The following MEP1A variants were observed in gnomAD, a reference collection of about 807,000 sequenced individuals.
MEP1A encodes N-benzoyl-L-tyrosyl-P-amino-benzoic acid hydrolase subunit alpha.
MEP1A carries 68 observed loss-of-function variants against 84.5 expected under a neutral mutation model. That is an observed-to-expected ratio of 0.80 (90% CI 0.66 to 0.98). The LOEUF is 0.98. Ranked by LOEUF, MEP1A falls within the 50% of genes least tolerant of loss-of-function variation. The pLI is 0.00. For synonymous variants in MEP1A, 337 were observed against 336.8 expected (o/e 1.00, Z -0.01); for missense variants, 887 against 919.9 (o/e 0.96, Z 0.46).
At chr6:46,843,206 G>A (rs549766083), downstream of MEP1A, among the ~76,000 whole-genome samples, 4 of 152,292 alleles carry the variant, frequency 2.6e-5, no homozygotes, top group African/African-American at 9.6e-5. Context: ...TCTACTTACT[G>A]GATGCTCATA....
chr6:46,843,270 C>T (rs965116258), downstream of MEP1A, among the ~76,000 whole-genome samples: 2 of 152,116 alleles, frequency 1.3e-5, no homozygotes, highest in African/African-American at 4.8e-5. Context: ...GACAAATGTC[C>T]CCCTGAGGGG....
intron 7 of MEP1A, among the ~76,000 whole-genome samples, chr6:46,821,147 AG>A (rs1422302348): frequency 6.6e-6 from 1 of 152,268 alleles, no homozygotes; most frequent in East Asian, 1.9e-4. Flanking sequence ...ACATGAGATG[AG>A]GGTAGAGAGG....
At chr6:46,808,034 G>A (rs1443604930) in intron 5 of MEP1A, among the ~76,000 whole-genome samples, 1 of 151,948 alleles carries the variant, frequency 6.6e-6, no homozygotes, top group African/African-American at 2.4e-5. Context: ...TATGGAGAAG[G>A]AAGAAAAGGT....
chr6:46,843,501 C>A (rs1225180504), downstream of MEP1A, among the ~76,000 whole-genome samples: 2 of 152,192 alleles, frequency 1.3e-5, no homozygotes, highest in Non-Finnish European at 2.9e-5. Flanking sequence ...TAATAACAAA[C>A]CCTCTGGTGT....
intron 5 of MEP1A, among the ~76,000 whole-genome samples, chr6:46,805,556 A>T (rs1441411960): frequency 6.6e-6 from 1 of 151,870 alleles, no homozygotes; most frequent in Admixed American, 6.6e-5. Context: ...CTTTTATCAG[A>T]TATATATTTT....
At chr6:46,845,859 G>A in the MEP1A span, among the ~76,000 whole-genome samples, 2 of 152,010 alleles carry the variant, frequency 1.3e-5, no homozygotes, top group African/African-American at 2.4e-5. Context: ...GTTTGAATGT[G>A]GTTCTGTTAC....
intron 6 of MEP1A, among the ~76,000 whole-genome samples, chr6:46,812,633 T>A (rs1466842977): frequency 6.6e-6 from 1 of 152,154 alleles, no homozygotes; most frequent in Non-Finnish European, 1.5e-5. Flanking sequence ...GCACTGCTTT[T>A]GCTATATCCC....
chr6:46,829,561 G>T lies in MEP1A; in HGVS notation c.1134G>T (p.Gln378His). The change falls in exon 10 of 14, where the codon CAG becomes CAT. Residue 378 changes from glutamine (Q) to histidine (H), a missense_variant. Gln to His is a conservative substitution (Grantham distance 24). Coordinates refer to ENST00000230588, the MANE Select transcript of MEP1A (RefSeq NM_005588.3). ...ATGTTCGCAAGTTGGTGAAGGTGCA[G>T]ACTTTTCAAGGTACTTAGAGGCATT... ...TGNVRKLVKV[Q>H]TFQGDDDHNW... 1 of 1,613,754 alleles carries T rather than the reference G, an allele frequency of 6.2e-7. No individual in the cohort carries two copies. Among genetic ancestry groups the T allele is most frequent in the Non-Finnish European group, 8.5e-7 (1 of 1,179,666 alleles).
intron 3 of MEP1A, among the ~76,000 whole-genome samples, chr6:46,794,816 A>G (rs1767015147): frequency 6.6e-6 from 1 of 152,018 alleles, no homozygotes; most frequent in Admixed American, 6.5e-5. Context: ...TTACAACAGA[A>G]ATGGGATTAG....
chr6:46,829,460 C>G lies in MEP1A; in HGVS notation c.1033C>G (p.Gln345Glu), dbSNP rs1004232397. The stretch of plus-strand genomic sequence containing the variant: ...CCCAAAGAGGAAGCAGCAGTGCCTG[C>G]AATTTTTCTATAAAATGACGGGAAG... ...LYPKRKQQCLQFFYKMTGSPS... is the reference protein window; with the variant it reads ...LYPKRKQQCLEFFYKMTGSPS... The change falls in exon 10 of 14, where the codon CAA becomes GAA. Residue 345 changes from glutamine (Q) to glutamate (E), a missense_variant. Gln to Glu is a conservative substitution (Grantham distance 29, BLOSUM62 2). Transcript: ENST00000230588. 6.2e-7 allele frequency: 1 copy of G among 1,614,014 alleles called. No individual in the cohort carries two copies. The highest frequency in any genetic ancestry group is 1.3e-5 in the African/African-American group (1 of 74,922).
At chr6:46,835,618 A>G in intron 13 of MEP1A, 69 bp downstream of exon 13, 4 of 1,527,466 alleles carry the variant, frequency 2.6e-6, no homozygotes, top group Non-Finnish European at 3.6e-6. Context: ...GCTCCTGGTA[A>G]AGGCTGCTGT....
At chr6:46,844,479 G>A (rs1185733237), downstream of MEP1A, among the ~76,000 whole-genome samples, 2 of 152,098 alleles carry the variant, frequency 1.3e-5, no homozygotes, top group Admixed American at 6.6e-5. Context: ...GGCCTCATCT[G>A]GGTCACAGCA....
chr6:46,837,832 A>T (rs138555888), intron 13 of MEP1A, among the ~76,000 whole-genome samples: 1 of 152,302 alleles, frequency 6.6e-6, no homozygotes, highest in East Asian at 1.9e-4. Context: ...AATTCTCAGG[A>T]TAGAGATGAG....
At chr6:46,805,607 T>G (rs1447401815) in intron 5 of MEP1A, among the ~76,000 whole-genome samples, 1 of 152,012 alleles carries the variant, frequency 6.6e-6, no homozygotes, top group Non-Finnish European at 1.5e-5. Flanking sequence ...TTGTCTCCAG[T>G]GTCTGATAAT....
intron 2 of MEP1A, 32 bp from the exon 3 acceptor site, chr6:46,793,634 C>A: frequency 6.3e-7 from 1 of 1,587,406 alleles, no homozygotes. Flanking sequence ...TTCGGCAAGA[C>A]TAATAATAAT....
In MEP1A at chr6:46,835,432, A is replaced by G. The variant is rs1768196416; in HGVS notation, c.1967A>G (p.Glu656Gly). ...GQPSRQKRSVENTGPLEDHNW... is the reference protein window; with the variant it reads ...GQPSRQKRSVGNTGPLEDHNW... ...CCCAGCCGACAGAAGCGGTCGGTGG[A>G]GAACACAGGCCCCCTGGAGGACCAT... Residue 656 changes from glutamate to glycine, a missense_variant, in exon 13 of 14, where the codon GAG (glutamate) becomes GGG (glycine). Transcript: ENST00000230588. The G allele has an allele frequency of 6.2e-7, 1 of 1,612,210 alleles. No homozygotes were observed. Among genetic ancestry groups the G allele is most frequent in the Non-Finnish European group, 8.5e-7 (1 of 1,179,182 alleles).
intron 3 of MEP1A, among the ~76,000 whole-genome samples, chr6:46,797,724 C>A (rs907940862): frequency 3.9e-5 from 6 of 152,124 alleles, no homozygotes; most frequent in African/African-American, 1.4e-4. Flanking sequence ...CACTTCATGT[C>A]TCTGGACTCT....
chr6:46,793,789 C>A, intron 3 of MEP1A, 73 bp downstream of exon 3: 1 of 1,086,388 alleles, frequency 9.2e-7, no homozygotes, highest in Non-Finnish European at 1.4e-6. Flanking sequence ...TGAACACTTT[C>A]CTTCCTAATA....
intron 3 of MEP1A, among the ~76,000 whole-genome samples, chr6:46,794,630 G>C (rs765872948): frequency 4.6e-5 from 7 of 152,198 alleles, no homozygotes; most frequent in Non-Finnish European, 8.8e-5. Flanking sequence ...AGAGAAGCCA[G>C]TTAGTTGATA....
Sources: allele counts gnomAD v4.1 joint callset (sites outside exome capture counted in the v4.1 genomes callset), GRCh38; gene constraint gnomAD v4.1.1; transcripts MANE v1.5; gene names NCBI Gene and HGNC (gene_info 2026-07-23, HGNC 2026-07-21).